ANXA8: variants seen among roughly 807,000 people sequenced by gnomAD.
The protein encoded by ANXA8 is VAC-beta.
A neutral mutation model predicts 26.8 loss-of-function variants in ANXA8; 9 were observed. The observed-to-expected ratio is 0.34, with a 90% CI of 0.20 to 0.59. ANXA8 has a LOEUF of 0.59. Among genes scored for constraint, ANXA8 ranks in the 20% least tolerant of loss-of-function variants. The probability of loss-of-function intolerance (pLI) is 0.84; values close to 1 mark genes in which losing one functional copy is unlikely to be tolerated. For synonymous variants in ANXA8, 39 were observed against 94.8 expected, an observed-to-expected ratio of 0.41 and a Z score of 3.42; for missense variants, 83 against 238.5, an observed-to-expected ratio of 0.35 and a Z score of 4.29.
chr10:47,483,913 C>T lies in ANXA8; in HGVS notation c.21G>A (p.Trp7Ter). Reference protein sequence around the residue: MAWWKSWIEQEGVTVKS... With the variant: MAWWKS ...AAATCTCCTGCCAGCTCCCACTTAC[C>T]CAGGATTTCCACCAGGCCATCTCTT... The change falls in exon 1 of 12, where the codon TGG becomes TGA. Residue 7 changes from tryptophan to a stop codon, truncating the protein, a stop_gained and splice_region_variant. Transcript: ENST00000585281. LOFTEE classifies it high-confidence loss of function. The T allele has an allele frequency of 6.2e-7, 1 of 1,611,702 alleles. No individual in the cohort carries two copies. Among genetic ancestry groups the T allele is most frequent in the South Asian group, 1.1e-5 (1 of 90,976 alleles).
the ANXA8 span, among the ~76,000 whole-genome samples, chr10:47,633,928 T>C: frequency 4.9e-4 from 66 of 135,770 alleles, no homozygotes; most frequent in African/African-American, 2.0e-3. Context: ...CCGGTAAACA[T>C]AGAAGTTTGG....
chr10:47,743,301 T>TATATATACAC, the ANXA8 span, among the ~76,000 whole-genome samples: 4 of 41,358 alleles, frequency 9.7e-5, no homozygotes, highest in Admixed American at 3.5e-4. Context: ...TATACACATA[T>TATATATACAC]ATATATATAT....
chr10:47,488,712 AATTTTTTT>A (rs1394361167), upstream of ANXA8, among the ~76,000 whole-genome samples: 2 of 95,974 alleles, frequency 2.1e-5, no homozygotes, highest in African/African-American at 4.1e-5. Flanking sequence ...TTACATGTTA[AATTTTTTT>A]TTTTTTTTTT....
the ANXA8 span, among the ~76,000 whole-genome samples, chr10:47,737,218 T>C: frequency 6.6e-6 from 1 of 151,324 alleles, no homozygotes; most frequent in Non-Finnish European, 1.5e-5. Flanking sequence ...CTTTATTGTT[T>C]CTAGATTTTA....
the ANXA8 span, among the ~76,000 whole-genome samples, chr10:47,622,630 G>A: frequency 3.3e-5 from 3 of 90,048 alleles, 1 homozygote; most frequent in African/African-American, 1.5e-4. Context: ...CTTACTATTT[G>A]CCAGGGATGG....
chr10:47,558,308 T>C, the ANXA8 span, among the ~76,000 whole-genome samples: 1 of 152,002 alleles, frequency 6.6e-6, no homozygotes, highest in South Asian at 2.1e-4. Flanking sequence ...CAGATTACTT[T>C]GTCAGCAGGG....
chr10:47,706,590 A>G, the ANXA8 span: 6 of 787,708 alleles, frequency 7.6e-6, no homozygotes, highest in Admixed American at 1.1e-4. Context: ...AAGGGTGATC[A>G]GTTATGAAGA....
the ANXA8 span, among the ~76,000 whole-genome samples, chr10:47,511,078 G>T: frequency 3.2e-5 from 4 of 124,428 alleles, no homozygotes; most frequent in African/African-American, 1.3e-4. Context: ...TGAGTAGCTG[G>T]GACTACAGGC....
the ANXA8 span, chr10:47,970,614 C>T: frequency 9.2e-5 from 14 of 151,402 alleles, no homozygotes; most frequent in South Asian, 2.1e-4. Flanking sequence ...ATTCACATAT[C>T]GTAGGCATGT....
chr10:47,687,549 G>A, the ANXA8 span, among the ~76,000 whole-genome samples: 1 of 151,844 alleles, frequency 6.6e-6, no homozygotes, highest in Non-Finnish European at 1.5e-5. Context: ...ACAGGCGTGA[G>A]CCACCACGCC....
At chr10:47,572,668 C>G in the ANXA8 span, among the ~76,000 whole-genome samples, 1 of 141,368 alleles carries the variant, frequency 7.1e-6, no homozygotes, top group Non-Finnish European at 1.5e-5. Flanking sequence ...AGTGAGCTGA[C>G]GTCATGCCGT....
chr10:47,690,814 A>G, the ANXA8 span: 1 of 1,611,140 alleles, frequency 6.2e-7, no homozygotes, highest in South Asian at 1.1e-5. Flanking sequence ...CCAACTAAAT[A>G]CCTTCCACAA....
At chr10:47,543,748 C>G in the ANXA8 span, 5 of 308,870 alleles carry the variant, frequency 1.6e-5, 1 homozygote, top group Admixed American at 4.8e-5. Flanking sequence ...TCATCACACT[C>G]TTGTCCACTA....
the ANXA8 span, among the ~76,000 whole-genome samples, chr10:47,675,695 G>A: frequency 3.3e-5 from 5 of 151,768 alleles, no homozygotes; most frequent in South Asian, 6.2e-4. Context: ...TATATAAAAT[G>A]TCTGGTGTGT....
At chr10:47,888,939 C>G in the ANXA8 span, among the ~76,000 whole-genome samples, 1 of 76,368 alleles carries the variant, frequency 1.3e-5, no homozygotes, top group South Asian at 4.3e-4. Flanking sequence ...AGTAGAAATC[C>G]TCATTGTAAG....
the ANXA8 span, among the ~76,000 whole-genome samples, chr10:47,520,938 TAA>T: frequency 8.0e-6 from 1 of 125,180 alleles, no homozygotes; most frequent in Non-Finnish European, 1.6e-5. Context: ...CAGTAAGTTT[TAA>T]AAGACAGTCT....
chr10:47,697,171 A>T, the ANXA8 span, among the ~76,000 whole-genome samples: 168 of 152,314 alleles, frequency 1.1e-3, no homozygotes, highest in African/African-American at 4.0e-3. Flanking sequence ...CACTGGACTC[A>T]GATAGACCAG....
chr10:47,690,733 T>G, the ANXA8 span: 1 of 1,571,322 alleles, frequency 6.4e-7, no homozygotes, highest in Admixed American at 1.8e-5. Context: ...TCAAGAACTT[T>G]TCAGTTCTGA....
the ANXA8 span, among the ~76,000 whole-genome samples, chr10:47,701,175 T>G: frequency 2.0e-5 from 3 of 150,618 alleles, no homozygotes; most frequent in Non-Finnish European, 4.4e-5. Flanking sequence ...GAGATACCAT[T>G]TCTCACCTAT....
Sources: gnomAD v4.1 joint callset for allele counts (sites outside exome capture counted in the v4.1 genomes callset) on GRCh38, gnomAD v4.1.1 for gene constraint, MANE v1.5 for transcripts, NCBI Gene and HGNC (gene_info 2026-07-23, HGNC 2026-07-21) for gene names.